The following CSMD1 variants were observed in gnomAD, a reference collection of about 807,000 sequenced individuals.
The protein encoded by CSMD1 is CUB and sushi domain-containing protein 1.
CSMD1 carries 213 observed loss-of-function variants against 417.5 expected under a neutral mutation model. The ratio of observed to expected loss-of-function variants is 0.51; its 90% confidence interval spans 0.46 to 0.57. The LOEUF (loss-of-function observed/expected upper bound fraction) is 0.57. Ranked by LOEUF, CSMD1 falls within the 20% of genes least tolerant of loss-of-function variation. The pLI is 0.00. For synonymous variants in CSMD1, 2,862 were observed against 1,736.8 expected, an observed-to-expected ratio of 1.65 and a Z score of -16.11; for missense variants, 6,923 against 4,529.7, an observed-to-expected ratio of 1.53 and a Z score of -15.17.
At chr8:4,002,017 A>G (rs1815718483) in intron 4 of CSMD1, among the ~76,000 whole-genome samples, 1 of 152,228 alleles carries the variant, frequency 6.6e-6, no homozygotes, top group Non-Finnish European at 1.5e-5. Context: ...TGCAAGATAT[A>G]TTAGAATTGT....
chr8:3,981,798 C>G (rs915274757), intron 5 of CSMD1, among the ~76,000 whole-genome samples: 3 of 152,146 alleles, frequency 2.0e-5, no homozygotes, highest in African/African-American at 4.8e-5. Flanking sequence ...AGAGAAGAGG[C>G]AGTTAGCAGA....
At chr8:4,752,989 A>G (rs1052993728) in intron 1 of CSMD1, among the ~76,000 whole-genome samples, 130 of 152,204 alleles carry the variant, frequency 8.5e-4, no homozygotes, top group Non-Finnish European at 1.1e-3. Context: ...ACAATTATGG[A>G]TGGTTTGGTA....
rs5889027 is a variant in CSMD1, at chr8:4,212,751, C to CTTTTTTTTTTTTTTTTTTTTTTT, written c.416-180675_416-180653dup. Among the ~76,000 whole-genome samples, 20 of 99,230 alleles carry CTTTTTTTTTTTTTTTTTTTTTTT rather than the reference C, an allele frequency of 2.0e-4. 1 individual carries two copies. Among genetic ancestry groups the CTTTTTTTTTTTTTTTTTTTTTTT allele is most frequent in the African/African-American group, 7.2e-4 (17 of 23,464 alleles). The allele number at this position is 99,230 out of a possible 152,430, so 65.1% of individuals were successfully genotyped here. A position where few individuals can be genotyped will look rare whatever the true frequency, so the allele number is the denominator to read the frequency against. On this transcript the variant is annotated intron_variant, in intron 3 of 69. Transcript: ENST00000635120. Reference sequence around the variant, plus strand: ...AAAAGTTTACAACAGCGGCCTTATTCTTTTTTTTTTTTTTTTTTTTTTTTT... The same window carrying CTTTTTTTTTTTTTTTTTTTTTTT: ...AAAAGTTTACAACAGCGGCCTTATTCTTTTTTTTTTTTTTTTTTTTTTTTTTTTTTTTTTTTTTTTTTTTTTTT...
At chr8:4,435,948 T>C (rs956599757) in intron 2 of CSMD1, among the ~76,000 whole-genome samples, 1 of 152,166 alleles carries the variant, frequency 6.6e-6, no homozygotes, top group Non-Finnish European at 1.5e-5. Context: ...TCTACATTCT[T>C]AGCCTTTACA....
At chr8:4,174,202 C>A (rs1042794783) in intron 3 of CSMD1, among the ~76,000 whole-genome samples, 5 of 152,132 alleles carry the variant, frequency 3.3e-5, no homozygotes, top group African/African-American at 1.2e-4. Flanking sequence ...AACCCAGAGC[C>A]TCAGCAGCTA....
intron 1 of CSMD1, among the ~76,000 whole-genome samples, chr8:4,641,717 G>C (rs182816139): frequency 6.6e-6 from 1 of 152,116 alleles, no homozygotes; most frequent in Non-Finnish European, 1.5e-5. Flanking sequence ...TGGTGATCGA[G>C]TCATAACATA....
At chr8:4,617,326 C>G (rs1801526604) in intron 2 of CSMD1, among the ~76,000 whole-genome samples, 1 of 152,080 alleles carries the variant, frequency 6.6e-6, no homozygotes, top group African/African-American at 2.4e-5. Context: ...CAAAAATATT[C>G]AAGTTTAAAT....
At chr8:3,008,040 T>A (rs969586355) in intron 52 of CSMD1, among the ~76,000 whole-genome samples, 1 of 152,230 alleles carries the variant, frequency 6.6e-6, no homozygotes, top group African/African-American at 2.4e-5. Context: ...TAACAATCTT[T>A]CTCTAAAATT....
At chr8:3,578,732 T>A (rs1047228358) in intron 9 of CSMD1, among the ~76,000 whole-genome samples, 29 of 152,164 alleles carry the variant, frequency 1.9e-4, no homozygotes, top group African/African-American at 6.5e-4. Flanking sequence ...GGGAAACTGT[T>A]CTGACTGGGA....
chr8:3,951,061 A>G (rs185686229), intron 5 of CSMD1, among the ~76,000 whole-genome samples: 1 of 152,354 alleles, frequency 6.6e-6, no homozygotes, highest in East Asian at 1.9e-4. Context: ...TGTTTCAACT[A>G]TTTGAAAATA....
At chr8:4,694,267 C>A (rs1348424180) in intron 1 of CSMD1, among the ~76,000 whole-genome samples, 2 of 151,948 alleles carry the variant, frequency 1.3e-5, no homozygotes, top group Non-Finnish European at 2.9e-5. Context: ...TGTCTCCTAT[C>A]TACCTATGAC....
intron 5 of CSMD1, among the ~76,000 whole-genome samples, chr8:3,908,487 A>C (rs1808254938): frequency 6.6e-6 from 1 of 152,184 alleles, no homozygotes; most frequent in Admixed American, 6.5e-5. Flanking sequence ...CACATCCAGT[A>C]TCCCCTGGTA....
intron 9 of CSMD1, among the ~76,000 whole-genome samples, chr8:3,578,616 C>T (rs540102841): frequency 5.3e-4 from 81 of 152,250 alleles, no homozygotes; most frequent in African/African-American, 1.8e-3. Flanking sequence ...GAAACATAGA[C>T]GTATGAAAGT....
intron 1 of CSMD1, among the ~76,000 whole-genome samples, chr8:4,845,116 A>C (rs1801059622): frequency 6.6e-6 from 1 of 152,188 alleles, no homozygotes; most frequent in Admixed American, 6.5e-5. Context: ...TTCTCCCCTA[A>C]GCAGTTTTAT....
intron 1 of CSMD1, among the ~76,000 whole-genome samples, chr8:4,985,869 A>T (rs1218658921): frequency 6.6e-6 from 1 of 152,198 alleles, no homozygotes; most frequent in Non-Finnish European, 1.5e-5. Flanking sequence ...ATTCTATTTT[A>T]TGAAGAAAGG....
chr8:4,691,810 C>T (rs2116766420), intron 1 of CSMD1, among the ~76,000 whole-genome samples: 1 of 152,304 alleles, frequency 6.6e-6, no homozygotes, highest in South Asian at 2.1e-4. Context: ...CAAATCTAAC[C>T]ACAGCAGATA....
chr8:4,111,940 C>A (rs1447805600), intron 3 of CSMD1, among the ~76,000 whole-genome samples: 1 of 151,892 alleles, frequency 6.6e-6, no homozygotes, highest in Non-Finnish European at 1.5e-5. Flanking sequence ...TAAAGTATGG[C>A]AAAAGCACAG....
intron 1 of CSMD1, among the ~76,000 whole-genome samples, chr8:4,926,677 C>A (rs1370986115): frequency 6.6e-6 from 1 of 152,080 alleles, no homozygotes; most frequent in East Asian, 1.9e-4. Context: ...TTCTTCTGGG[C>A]TTTTCTTTTT....
chr8:3,220,073 A>T (rs1290435449), intron 28 of CSMD1, among the ~76,000 whole-genome samples: 2 of 147,552 alleles, frequency 1.4e-5, no homozygotes, highest in African/African-American at 5.0e-5. Flanking sequence ...TGAGGCCAGG[A>T]GTCTGAGGCT....
Sources: allele counts gnomAD v4.1 joint callset (sites outside exome capture counted in the v4.1 genomes callset), GRCh38; gene constraint gnomAD v4.1.1; transcripts MANE v1.5; gene names NCBI Gene and HGNC (gene_info 2026-07-23, HGNC 2026-07-21).